Variants in ADAM22 observed in about 807,000 individuals in gnomAD.
ADAM22 encodes disintegrin and metalloproteinase domain-containing protein 22.
ADAM22 carries 65 observed loss-of-function variants against 144.6 expected under a neutral mutation model. The ratio of observed to expected loss-of-function variants is 0.45; its 90% confidence interval spans 0.37 to 0.55. The LOEUF (loss-of-function observed/expected upper bound fraction) is 0.55, where lower values mean the gene tolerates loss of function less well. ADAM22 is among the 20% of genes least tolerant of loss of function. The probability of loss-of-function intolerance (pLI) is 0.00; values close to 1 mark genes in which losing one functional copy is unlikely to be tolerated. For synonymous variants in ADAM22, 391 were observed against 412.6 expected (o/e 0.95, Z 0.63); for missense variants, 974 against 1,184.9 (o/e 0.82, Z 2.61).
chr7:88,137,630 T>G (rs1226420286), intron 14 of ADAM22, among the ~76,000 whole-genome samples: 1 of 152,192 alleles, frequency 6.6e-6, no homozygotes, highest in Non-Finnish European at 1.5e-5. Context: ...TTTTAACCCC[T>G]GCATTAGAAT....
intron 3 of ADAM22, among the ~76,000 whole-genome samples, chr7:88,039,192 C>G (rs1407740903): frequency 9.2e-5 from 14 of 151,652 alleles, no homozygotes. Context: ...CACCTGTAAT[C>G]CCAGCACTTT....
At chr7:88,063,320 A>G (rs1042664542) in intron 3 of ADAM22, among the ~76,000 whole-genome samples, 1 of 152,214 alleles carries the variant, frequency 6.6e-6, no homozygotes, top group Non-Finnish European at 1.5e-5. Flanking sequence ...TAGAAACAGT[A>G]ACAAAGCAGT....
intron 4 of ADAM22, among the ~76,000 whole-genome samples, chr7:88,087,078 G>A (rs1280064821): frequency 2.0e-5 from 3 of 152,076 alleles, no homozygotes; most frequent in Admixed American, 2.0e-4. Flanking sequence ...GTAGTAAGGA[G>A]TAATAAAGCT....
chr7:88,150,268 G>A (rs1179745397), intron 18 of ADAM22, among the ~76,000 whole-genome samples: 4 of 152,104 alleles, frequency 2.6e-5, no homozygotes, highest in Non-Finnish European at 4.4e-5. Context: ...TTTCTTTGCT[G>A]CACTTTCATC....
intron 11 of ADAM22, chr7:88,132,316 A>G: frequency 6.6e-6 from 1 of 152,250 alleles, no homozygotes; most frequent in East Asian, 1.9e-4. Flanking sequence ...ACTTTTATGT[A>G]ACCCATGGTC....
intron 29 of ADAM22, among the ~76,000 whole-genome samples, chr7:88,185,136 T>C (rs1339657262): frequency 6.6e-6 from 1 of 152,232 alleles, no homozygotes; most frequent in East Asian, 1.9e-4. Context: ...GAAATCTTTA[T>C]GCAAGTTTTA....
chr7:88,062,993 T>G (rs542963585), intron 3 of ADAM22, among the ~76,000 whole-genome samples: 22 of 152,290 alleles, frequency 1.4e-4, no homozygotes, highest in African/African-American at 5.1e-4. Flanking sequence ...GGTCACTGAT[T>G]ACAGATCACC....
chr7:88,150,221 C>T (rs904352841), intron 18 of ADAM22, among the ~76,000 whole-genome samples: 3 of 152,190 alleles, frequency 2.0e-5, no homozygotes, highest in Non-Finnish European at 4.4e-5. Context: ...ACTCCATTTA[C>T]AAGTTCAATT....
At position 87,987,668 on chromosome 7, in the gene ADAM22, T is replaced by C. The variant is rs367877738; in HGVS notation, c.323+9256T>C. On this transcript the variant is annotated intron_variant, in intron 3 of 31. Coordinates refer to ENST00000413139, the MANE Select transcript of ADAM22 (RefSeq NM_001324418.2). The stretch of plus-strand genomic sequence containing the variant: ...AAGATAAAAGATTCCATTTGAATAA[T>C]TGGAAACTTGTTCTCTAATAGTTAT... 2.7e-4 allele frequency among the ~76,000 whole-genome samples: 41 copies of C among 152,354 alleles called. No homozygotes were observed. The East Asian group carries it at 4.2e-3, about 16-fold the overall frequency.
At chr7:88,145,551 C>T (rs777537477) in intron 17 of ADAM22, 44 bp downstream of exon 17, 1 of 1,461,742 alleles carries the variant, frequency 6.8e-7, no homozygotes, top group East Asian at 2.3e-5. Context: ...AAAGGACATA[C>T]TTGATTAAAT....
chr7:87,995,999 T>G (rs1460174084), intron 3 of ADAM22, among the ~76,000 whole-genome samples: 1 of 152,240 alleles, frequency 6.6e-6, no homozygotes, highest in Non-Finnish European at 1.5e-5. Flanking sequence ...TCTGTAACTT[T>G]CTGTGACCTG....
intron 4 of ADAM22, among the ~76,000 whole-genome samples, chr7:88,093,546 G>T (rs1169341910): frequency 6.6e-6 from 1 of 151,764 alleles, no homozygotes; most frequent in African/African-American, 2.4e-5. Context: ...TCTTTTTGTT[G>T]TTGTTGTTTG....
intron 14 of ADAM22, among the ~76,000 whole-genome samples, chr7:88,141,584 A>T (rs1834681317): frequency 1.3e-5 from 2 of 152,134 alleles, no homozygotes. Flanking sequence ...TTTAAAAAAT[A>T]TAGAAAATAA....
At chr7:87,949,091 C>T (rs1844407907) in intron 2 of ADAM22, among the ~76,000 whole-genome samples, 1 of 152,110 alleles carries the variant, frequency 6.6e-6, no homozygotes, top group Non-Finnish European at 1.5e-5. Context: ...GGATCGTGGA[C>T]CTCATTCTAC....
chr7:88,037,168 AATTC>A (rs1801717024), intron 3 of ADAM22, among the ~76,000 whole-genome samples: 1 of 152,130 alleles, frequency 6.6e-6, no homozygotes. Flanking sequence ...CTTTGAGAAA[AATTC>A]TAAGTAATGG....
At chr7:88,083,216 T>G (rs1241168082) in intron 4 of ADAM22, among the ~76,000 whole-genome samples, 1 of 152,114 alleles carries the variant, frequency 6.6e-6, no homozygotes, top group Non-Finnish European at 1.5e-5. Context: ...GAAACCATCA[T>G]TCTCAGCAAA....
intron 2 of ADAM22, among the ~76,000 whole-genome samples, chr7:87,951,196 A>G (rs951045086): frequency 1.4e-5 from 2 of 147,148 alleles, no homozygotes; most frequent in East Asian, 2.0e-4. Context: ...TTGGTGTTTT[A>G]GACATGAAGT....
chr7:88,180,655 C>T (rs1229766825), intron 27 of ADAM22, among the ~76,000 whole-genome samples: 1 of 151,964 alleles, frequency 6.6e-6, no homozygotes, highest in African/African-American at 2.4e-5. Context: ...TTCTAAAGTT[C>T]CTATAAAAGA....
chr7:88,082,864 A>C (rs1024553790), intron 4 of ADAM22, among the ~76,000 whole-genome samples: 2 of 152,152 alleles, frequency 1.3e-5, no homozygotes, highest in African/African-American at 4.8e-5. Context: ...ATGTGGAGAA[A>C]TAGGAACACT....
Sources: allele counts gnomAD v4.1 joint callset (sites outside exome capture counted in the v4.1 genomes callset), GRCh38; gene constraint gnomAD v4.1.1; transcripts MANE v1.5; gene names NCBI Gene and HGNC (gene_info 2026-07-23, HGNC 2026-07-21).